KLHL29: variants seen among roughly 807,000 people sequenced by gnomAD.
KLHL29 encodes kelch like family member 29.
In KLHL29, 21 loss-of-function variants were observed where a neutral mutation model predicts 80.4. That is an observed-to-expected ratio of 0.26 (90% CI 0.19 to 0.38). The LOEUF (loss-of-function observed/expected upper bound fraction) is 0.38, where lower values mean the gene tolerates loss of function less well. Ranked by LOEUF, KLHL29 falls within the 10% of genes least tolerant of loss-of-function variation. KLHL29 has a pLI of 1.00. For missense variants in KLHL29, 867 were observed against 1,223.9 expected, an observed-to-expected ratio of 0.71 and a Z score of 4.35; for synonymous variants, 511 against 526.8, an observed-to-expected ratio of 0.97 and a Z score of 0.41.
intron 2 of KLHL29, among the ~76,000 whole-genome samples, chr2:23,521,771 C>G (rs928088882): frequency 6.6e-6 from 1 of 152,188 alleles, no homozygotes; most frequent in Non-Finnish European, 1.5e-5. Context: ...AGAGCCAGGA[C>G]GTAAGGCTCT....
intron 3 of KLHL29, among the ~76,000 whole-genome samples, chr2:23,618,323 G>A (rs1424930130): frequency 6.6e-6 from 1 of 152,122 alleles, no homozygotes; most frequent in African/African-American, 2.4e-5. Flanking sequence ...CAGGTATTTG[G>A]GCCAAAGATG....
chr2:23,661,885 G>A (rs1264900177), intron 5 of KLHL29, among the ~76,000 whole-genome samples: 1 of 152,264 alleles, frequency 6.6e-6, no homozygotes, highest in Non-Finnish European at 1.5e-5. Flanking sequence ...TTGTATAGGA[G>A]GAGACCCTGG....
intron 1 of KLHL29, among the ~76,000 whole-genome samples, chr2:23,438,020 C>T (rs1663396445): frequency 6.6e-6 from 1 of 151,808 alleles, no homozygotes; most frequent in Admixed American, 6.6e-5. Context: ...TGAAGAGGTC[C>T]TTCACATCCC....
rs1669242288 is a variant in KLHL29 at position 23,623,739 on chromosome 2, AC to A, written c.286-15399del. The stretch of plus-strand genomic sequence containing the variant: ...TGTAAGTAGGTGAGTGGACATGTGC[AC>A]ACTTGTGCACCTGTGTGATAGTGTG... On this transcript the variant is annotated intron_variant, in intron 3 of 13. Transcript: ENST00000486442. 2.0e-5 allele frequency among the ~76,000 whole-genome samples: 3 copies of A among 152,188 alleles called. No homozygotes were observed. In the South Asian group the frequency reaches 6.2e-4, roughly 32 times the overall value.
At chr2:23,524,043 T>C (rs1026896196) in intron 2 of KLHL29, 1 of 471,578 alleles carries the variant, frequency 2.1e-6, no homozygotes, top group South Asian at 1.5e-5. Flanking sequence ...TTTACCAGCA[T>C]GCCTTCCTCT....
chr2:23,420,987 G>C (rs1662782326), intron 1 of KLHL29, among the ~76,000 whole-genome samples: 1 of 152,138 alleles, frequency 6.6e-6, no homozygotes, highest in South Asian at 2.1e-4. Flanking sequence ...CAGGCGCCAG[G>C]CCAGGGGCTT....
chr2:23,620,597 G>C (rs13016077), intron 3 of KLHL29, among the ~76,000 whole-genome samples: 54,453 of 152,060 alleles, frequency 0.36, 10,522 homozygotes, highest in East Asian at 0.63. Context: ...GACCCAGGAT[G>C]GGGAGGGAGA....
intron 1 of KLHL29, among the ~76,000 whole-genome samples, chr2:23,416,961 G>A (rs1027413418): frequency 6.6e-6 from 1 of 152,156 alleles, no homozygotes; most frequent in African/African-American, 2.4e-5. Flanking sequence ...CCCTTCTGAA[G>A]CTGATCTCAA....
At chr2:23,685,701 C>T (rs1671225076) in intron 6 of KLHL29, among the ~76,000 whole-genome samples, 1 of 152,208 alleles carries the variant, frequency 6.6e-6, no homozygotes. Flanking sequence ...AGGTCTCCTG[C>T]CCCCGGTGCT....
chr2:23,406,339 A>G lies in KLHL29; in HGVS notation c.-154+20559A>G, dbSNP rs562917389. Among the ~76,000 whole-genome samples, 4 of 145,034 alleles carry G rather than the reference A, an allele frequency of 2.8e-5. No individual in the cohort carries two copies. In the East Asian group the frequency reaches 8.0e-4, roughly 29 times the overall value. On this transcript the variant is annotated intron_variant, in intron 1 of 13. Coordinates refer to ENST00000486442, the MANE Select transcript of KLHL29 (RefSeq NM_052920.2). ...CAAGACTCCATCTCAAAAAAAAAAA[A>G]AAAAGAAAAGAAAACACACATATTA...
intron 2 of KLHL29, among the ~76,000 whole-genome samples, chr2:23,539,353 A>C (rs1666766598): frequency 2.0e-5 from 3 of 152,152 alleles, no homozygotes; most frequent in Admixed American, 6.5e-5. Flanking sequence ...TTATCTCAAA[A>C]ATATGTCTGT....
intron 5 of KLHL29, among the ~76,000 whole-genome samples, chr2:23,679,143 A>G (rs950229441): frequency 6.6e-6 from 1 of 152,200 alleles, no homozygotes; most frequent in East Asian, 1.9e-4. Context: ...TCCATCATCT[A>G]TTCATGCCTT....
chr2:23,702,135 T>A (rs1672433007), intron 11 of KLHL29, among the ~76,000 whole-genome samples: 1 of 152,160 alleles, frequency 6.6e-6, no homozygotes, highest in Non-Finnish European at 1.5e-5. Flanking sequence ...CATGGCTCTT[T>A]TTAACTACCC....
chr2:23,446,720 T>G (rs1663701405), intron 1 of KLHL29, among the ~76,000 whole-genome samples: 1 of 152,242 alleles, frequency 6.6e-6, no homozygotes, highest in Non-Finnish European at 1.5e-5. Flanking sequence ...CTCTCACGCC[T>G]GATTTTATTT....
chr2:23,527,379 G>A (rs1666359521), intron 2 of KLHL29, among the ~76,000 whole-genome samples: 1 of 152,358 alleles, frequency 6.6e-6, no homozygotes, highest in African/African-American at 2.4e-5. Flanking sequence ...TGTGTCTGCA[G>A]GGCCCTCGTG....
intron 2 of KLHL29, chr2:23,524,383 G>A: frequency 1.2e-5 from 2 of 167,292 alleles, no homozygotes; most frequent in South Asian, 1.6e-4. Context: ...TTTAGGTCCT[G>A]CCCCGGGCTC....
intron 8 of KLHL29, among the ~76,000 whole-genome samples, chr2:23,694,742 C>T (rs762741506): frequency 6.6e-6 from 1 of 152,230 alleles, no homozygotes; most frequent in African/African-American, 2.4e-5. Context: ...GAATGTCCAC[C>T]CTCCCATCCA....
At chr2:23,520,993 C>CCG (rs72575152) in intron 2 of KLHL29, among the ~76,000 whole-genome samples, 50,200 of 103,598 alleles carry the variant, frequency 0.48, 10,138 homozygotes, top group Non-Finnish European at 0.55. Context: ...ACAAAGACCA[C>CCG]CCCCCCCCCC....
At chr2:23,663,385 GAGA>G (rs1243462276) in intron 5 of KLHL29, among the ~76,000 whole-genome samples, 2 of 152,234 alleles carry the variant, frequency 1.3e-5, no homozygotes, top group Admixed American at 6.5e-5. Context: ...TGCCCGGCAG[GAGA>G]AGGAGGTGGT....
Sources: gnomAD v4.1 joint callset for allele counts (sites outside exome capture counted in the v4.1 genomes callset) on GRCh38, gnomAD v4.1.1 for gene constraint, MANE v1.5 for transcripts, NCBI Gene and HGNC (gene_info 2026-07-23, HGNC 2026-07-21) for gene names.